The following PARD3B variants were observed in gnomAD, a reference collection of about 807,000 sequenced individuals.
PARD3B encodes par-3 family cell polarity regulator beta.
Under a neutral mutation model 130.2 loss-of-function variants are expected in PARD3B, and 103 were observed. The observed-to-expected ratio is 0.79, with a 90% CI of 0.67 to 0.93. PARD3B has a LOEUF of 0.93. PARD3B is among the 40% of genes least tolerant of loss of function. The pLI, the probability that PARD3B is intolerant of heterozygous loss-of-function variation, is 0.00. For synonymous variants in PARD3B, 583 were observed against 553.2 expected, an observed-to-expected ratio of 1.05 and a Z score of -0.76; for missense variants, 1,609 against 1,499.2, an observed-to-expected ratio of 1.07 and a Z score of -1.21.
chr2:205,530,459 T>C lies in PARD3B; in HGVS notation c.3181-22865T>C, dbSNP rs1191466205. Reference sequence around the variant, plus strand: ...AATTTAAATGTTTGTTGATTCGTTATTGTCTTTTTGTTTTTATTTTCTCCT... The same window carrying C: ...AATTTAAATGTTTGTTGATTCGTTACTGTCTTTTTGTTTTTATTTTCTCCT... On this transcript the variant is annotated intron_variant, in intron 21 of 22. Coordinates refer to ENST00000406610, the MANE Select transcript of PARD3B (RefSeq NM_001302769.2). The surrounding 1 kb of genome is among the most constrained non-coding windows in gnomAD (Gnocchi z 4.7). 6.6e-6 allele frequency among the ~76,000 whole-genome samples: 1 copy of C among 152,220 alleles called. No individual in the cohort carries two copies. Among genetic ancestry groups the C allele is most frequent in the East Asian group, 1.9e-4 (1 of 5,196 alleles).
chr2:205,468,187 T>C (rs1213887226), intron 20 of PARD3B, among the ~76,000 whole-genome samples: 1 of 152,256 alleles, frequency 6.6e-6, no homozygotes, highest in Middle Eastern at 3.2e-3. Context: ...ATATGGAATA[T>C]GTGTAATCCC....
chr2:205,104,309 G>A (rs915858628), intron 4 of PARD3B, 117 bp from the exon 5 acceptor site: 1 of 659,514 alleles, frequency 1.5e-6, no homozygotes, highest in South Asian at 2.1e-5. Flanking sequence ...AAAGAAATTA[G>A]AGCATACTGT....
At chr2:204,633,395 G>A (rs1258288382) in intron 1 of PARD3B, among the ~76,000 whole-genome samples, 1 of 152,130 alleles carries the variant, frequency 6.6e-6, no homozygotes, top group East Asian at 1.9e-4. Context: ...ATTTCTGTAT[G>A]TATCGCTAAA....
At chr2:204,796,854 A>G (rs1393153519) in intron 2 of PARD3B, among the ~76,000 whole-genome samples, 2 of 152,118 alleles carry the variant, frequency 1.3e-5, no homozygotes, top group Non-Finnish European at 2.9e-5. Flanking sequence ...ATTTAGACCT[A>G]TTTGCATTTT....
chr2:205,150,252 T>TGTGCGCGCGC (rs375301293), intron 10 of PARD3B, among the ~76,000 whole-genome samples: 73 of 145,884 alleles, frequency 5.0e-4, no homozygotes, highest in African/African-American at 1.4e-3. Flanking sequence ...TGTGTGTGTG[T>TGTGCGCGCGC]GCACACACGC....
intron 1 of PARD3B, among the ~76,000 whole-genome samples, chr2:204,573,125 C>A (rs1401173809): frequency 6.6e-6 from 1 of 152,190 alleles, no homozygotes; most frequent in Non-Finnish European, 1.5e-5. Flanking sequence ...TCTCTTGCCA[C>A]CCTGAGTCCG....
At position 205,341,063 on chromosome 2, in the gene PARD3B, T is replaced by G. The variant is rs2043507678; in HGVS notation, c.2630+39362T>G. On this transcript the variant is annotated intron_variant, in intron 18 of 22. Transcript: ENST00000406610. The surrounding 1 kb of genome is among the most constrained non-coding windows in gnomAD (Gnocchi z 4.3). ...CAGTGAGATTTCATCTTATCCGAGTTTGAATGGCTATGATCAAAAAAATAA... is the reference window on the plus strand; with the variant it reads ...CAGTGAGATTTCATCTTATCCGAGTGTGAATGGCTATGATCAAAAAAATAA... Among the ~76,000 whole-genome samples the G allele has an allele frequency of 6.6e-6, 1 of 151,958 alleles. No individual in the cohort carries two copies. Among genetic ancestry groups the G allele is most frequent in the Non-Finnish European group, 1.5e-5 (1 of 67,962 alleles).
rs1574705548 is a variant in PARD3B, at chr2:205,325,743, T to C, written c.2630+24042T>C. Among the ~76,000 whole-genome samples, 2 of 152,188 alleles carry C rather than the reference T, an allele frequency of 1.3e-5. No individual in the cohort carries two copies. Among genetic ancestry groups the C allele is most frequent in the East Asian group, 1.9e-4 (1 of 5,192 alleles). On this transcript the variant is annotated intron_variant, in intron 18 of 22. Transcript: ENST00000406610. This position sits in a 1 kb window ranked among gnomAD's most constrained non-coding sequence, Gnocchi z 4.1. ...ACATCCTATCTAGTAATAAGATAAG[T>C]AATTTTACTGGTGTCACTTTGGAGG...
intron 11 of PARD3B, among the ~76,000 whole-genome samples, chr2:205,171,914 A>G (rs1277958379): frequency 1.3e-5 from 2 of 152,226 alleles, no homozygotes; most frequent in African/African-American, 4.8e-5. Context: ...GAATCAGGTC[A>G]GATTAGCATG....
intron 1 of PARD3B, among the ~76,000 whole-genome samples, chr2:204,676,062 G>C (rs1267718755): frequency 1.3e-5 from 2 of 148,868 alleles, no homozygotes; most frequent in African/African-American, 5.0e-5. Flanking sequence ...ATTCCTTCCA[G>C]TCTTTGAACT....
chr2:204,734,424 A>G (rs2039654391), intron 2 of PARD3B, among the ~76,000 whole-genome samples: 1 of 152,148 alleles, frequency 6.6e-6, no homozygotes, highest in Non-Finnish European at 1.5e-5. Context: ...AAGAAATGAA[A>G]CTTATGGTCC....
intron 2 of PARD3B, among the ~76,000 whole-genome samples, chr2:204,702,999 ATTTAC>A (rs1477871720): frequency 2.0e-5 from 3 of 152,220 alleles, no homozygotes; most frequent in East Asian, 1.9e-4. Flanking sequence ...TCCAATTAGA[ATTTAC>A]TTTATTGATA....
chr2:204,801,519 G>A (rs999089937), intron 2 of PARD3B, among the ~76,000 whole-genome samples: 22 of 151,804 alleles, frequency 1.4e-4, no homozygotes, highest in African/African-American at 4.6e-4. Flanking sequence ...TCTATTATTG[G>A]TGTATAGGAA....
chr2:205,161,537 A>G (rs1314761836), intron 11 of PARD3B, among the ~76,000 whole-genome samples: 1 of 152,238 alleles, frequency 6.6e-6, no homozygotes, highest in Non-Finnish European at 1.5e-5. Flanking sequence ...GTATTTTTCC[A>G]TTCTCCTACT....
Position 205,366,639 on chromosome 2 carries a change from A to G in PARD3B, c.2631-34374A>G, listed in dbSNP as rs909763568. Among the ~76,000 whole-genome samples the G allele has an allele frequency of 3.3e-5, 5 of 152,088 alleles. No homozygotes were observed. The highest frequency in any genetic ancestry group is 1.2e-4 in the African/African-American group (5 of 41,392). ...CTGTCAGCATACAGATGACACTCAA[A>G]TCTGTCTCCTCTCAAGCCTAAATTC... is the stretch of plus-strand genomic sequence containing the variant. On this transcript the variant is annotated intron_variant, in intron 18 of 22. Coordinates refer to ENST00000406610, the MANE Select transcript of PARD3B (RefSeq NM_001302769.2). This position sits in a 1 kb window ranked among gnomAD's most constrained non-coding sequence, Gnocchi z 5.0.
At position 205,288,932 on chromosome 2, in the gene PARD3B, G is replaced by A. The variant is rs939395034; in HGVS notation, c.2186-11598G>A. Among the ~76,000 whole-genome samples the A allele has an allele frequency of 2.0e-5, 3 of 152,134 alleles. No homozygotes were observed. The highest frequency in any genetic ancestry group is 2.0e-4 in the Admixed American group (3 of 15,286). ...CTCTATGTCAGCATTCTTGGTACGT[G>A]GTTTGCAGAGATACCTGCTGGCCAG... On this transcript the variant is annotated intron_variant, in intron 16 of 22. Transcript: ENST00000406610. This position sits in a 1 kb window ranked among gnomAD's most constrained non-coding sequence, Gnocchi z 4.0.
At chr2:204,879,555 A>G (rs570067018) in intron 2 of PARD3B, among the ~76,000 whole-genome samples, 14 of 152,308 alleles carry the variant, frequency 9.2e-5, no homozygotes, top group Non-Finnish European at 1.2e-4. Flanking sequence ...TTATATGGCA[A>G]TGCTACACTC....
intron 18 of PARD3B, among the ~76,000 whole-genome samples, chr2:205,308,621 C>CAAAAAAAA (rs1252730210): frequency 5.4e-5 from 5 of 93,112 alleles, no homozygotes; most frequent in Admixed American, 1.3e-4. Context: ...AAAAAAAAAC[C>CAAAAAAAA]AAACAACAAA....
At chr2:205,126,508 G>A (rs1189330985) in intron 10 of PARD3B, among the ~76,000 whole-genome samples, 1 of 151,854 alleles carries the variant, frequency 6.6e-6, no homozygotes, top group Non-Finnish European at 1.5e-5. Flanking sequence ...TTGGGAGGCC[G>A]AGGCGGGTGG....
Sources: gnomAD v4.1 joint callset for allele counts (sites outside exome capture counted in the v4.1 genomes callset) on GRCh38, gnomAD v4.1.1 for gene constraint, Gnocchi (gnomAD v3.1) non-coding constraint, MANE v1.5 for transcripts, NCBI Gene and HGNC (gene_info 2026-07-23, HGNC 2026-07-21) for gene names.